The following ZNF175 variants were observed in gnomAD, a reference collection of about 807,000 sequenced individuals.
ZNF175 encodes the protein zinc finger protein OTK18.
A neutral mutation model predicts 14.0 loss-of-function variants in ZNF175; 8 were observed. That is an observed-to-expected ratio of 0.57 (90% CI 0.34 to 1.03). The LOEUF is 1.03. ZNF175 is among the 50% of genes least tolerant of loss of function. The probability of loss-of-function intolerance (pLI) is 0.03; values close to 1 mark genes in which losing one functional copy is unlikely to be tolerated. For missense variants in ZNF175, 764 were observed against 849.5 expected (o/e 0.90, Z 1.25); for synonymous variants, 255 against 296.8 (o/e 0.86, Z 1.45).
At chr19:51,580,981 G>C (rs17660487) in intron 2 of ZNF175, among the ~76,000 whole-genome samples, 30,177 of 152,046 alleles carry the variant, frequency 0.2, 3,519 homozygotes, top group Middle Eastern at 0.33. Context: ...TAACCCTGTA[G>C]TTGAGCTTTT....
At chr19:51,573,750 C>A (rs1568572151) in intron 2 of ZNF175, 2 of 384,962 alleles carry the variant, frequency 5.2e-6, no homozygotes, top group Non-Finnish European at 9.1e-6. Context: ...CAAGTGGTCC[C>A]CCCCACCAAA....
intron 2 of ZNF175, among the ~76,000 whole-genome samples, chr19:51,576,916 T>A (rs985228285): frequency 1.3e-5 from 2 of 152,106 alleles, no homozygotes; most frequent in African/African-American, 4.8e-5. Context: ...TCTGAACATG[T>A]CTGTTCAGAT....
rs755582105 is a variant in ZNF175, at chr19:51,587,946, G to A, written c.1615G>A (p.Ala539Thr). ...RHHVCSECGK[A>T]FNQKSILSMH... ...CCATGTATGCAGTGAATGCGGGAAA[G>A]CCTTCAACCAGAAGTCAATACTCAG... The change falls in exon 5 of 5, where the codon GCC (alanine) becomes ACC (threonine). Residue 539 changes from alanine (A) to threonine (T), a missense_variant. Ala to Thr is a moderately conservative substitution (Grantham distance 58). Transcript: ENST00000262259. 2.0e-5 allele frequency: 32 copies of A among 1,614,090 alleles called. 1 individual carries two copies. The Admixed American group carries it at 4.5e-4, about 23-fold the overall frequency.
rs1005552874 is a variant in ZNF175 at position 51,588,949 on chromosome 19, G to A, written c.*482G>A. On this transcript the variant is annotated 3_prime_UTR_variant, in exon 5 of 5. Transcript: ENST00000262259. ...ATATAAGCATATATATAATATATAA[G>A]CATATTATTATATACAGGTTGAGTA... 2.7e-6 allele frequency: 1 copy of A among 368,538 alleles called. No individual in the cohort carries two copies. Among genetic ancestry groups the A allele is most frequent in the African/African-American group, 2.1e-5 (1 of 48,036 alleles). 22.8% of individuals were successfully genotyped at this position (368,538 alleles called of 1,614,324 possible). A position where few individuals can be genotyped will look rare whatever the true frequency, so the allele number is the denominator to read the frequency against.
intron 2 of ZNF175, chr19:51,574,327 A>G (rs1295477902): frequency 6.6e-6 from 1 of 152,250 alleles, no homozygotes; most frequent in African/African-American, 2.4e-5. Flanking sequence ...AATTGCACAT[A>G]TAAATCATTT....
At chr19:51,578,457 A>G (rs1568573979) in intron 2 of ZNF175, among the ~76,000 whole-genome samples, 1 of 151,942 alleles carries the variant, frequency 6.6e-6, no homozygotes, top group Admixed American at 6.6e-5. Flanking sequence ...CATACAGCTG[A>G]CAAAAGGTTC....
Position 51,590,299 on chromosome 19 carries a change from T to C in ZNF175, c.*1832T>C, listed in dbSNP as rs1982311854. ...GGTTTTCTCATCTACAAAAGGGAGATGATGATAGTACCCTACCCCCATGCA... is the reference window on the plus strand; with the variant it reads ...GGTTTTCTCATCTACAAAAGGGAGACGATGATAGTACCCTACCCCCATGCA... On this transcript the variant is annotated 3_prime_UTR_variant, in exon 5 of 5. Transcript: ENST00000262259. 1 of 152,272 alleles carries C rather than the reference T, an allele frequency of 6.6e-6. No homozygotes were observed. The highest frequency in any genetic ancestry group is 2.4e-5 in the African/African-American group (1 of 41,412). The allele number at this position is 152,272 out of a possible 1,614,324, so 9.4% of individuals were successfully genotyped here.
At chr19:51,583,056 T>C (rs1401970781) in intron 4 of ZNF175, among the ~76,000 whole-genome samples, 1 of 152,060 alleles carries the variant, frequency 6.6e-6, no homozygotes, top group African/African-American at 2.4e-5. Context: ...GGTTTCTCCT[T>C]GTTGGTCAGG....
At chr19:51,581,292 T>G in intron 2 of ZNF175, 99 bp from the exon 3 acceptor site, 10 of 1,558,972 alleles carry the variant, frequency 6.4e-6, no homozygotes, top group Non-Finnish European at 8.8e-6. Flanking sequence ...CTGTGATGGA[T>G]CGTGGTGAAA....
intron 2 of ZNF175, among the ~76,000 whole-genome samples, chr19:51,579,144 T>C (rs1197406113): frequency 6.6e-6 from 1 of 151,540 alleles, no homozygotes; most frequent in African/African-American, 2.4e-5. Context: ...TCCCAGCTAC[T>C]TGGGAGGCTG....
chr19:51,588,244 T>TG lies in ZNF175; in HGVS notation c.1916dup (p.Glu640ArgfsTer5). 6.2e-7 allele frequency: 1 copy of TG among 1,614,000 alleles called. No individual in the cohort carries two copies. Among genetic ancestry groups the TG allele is most frequent in the Non-Finnish European group, 8.5e-7 (1 of 1,179,972 alleles). On this transcript the variant is annotated frameshift_variant, in exon 5 of 5. Coordinates refer to ENST00000262259, the MANE Select transcript of ZNF175 (RefSeq NM_007147.4). LOFTEE classifies it low-confidence loss of function (END_TRUNC). ...TTGATTACCCATCAAAGAACTCACATGGGAGAGAAACCCTATGAATGCCTT... is the reference window on the plus strand; with the variant it reads ...TTGATTACCCATCAAAGAACTCACATGGGGAGAGAAACCCTATGAATGCCTT...
chr19:51,582,855 G>C (rs1016069810), intron 4 of ZNF175, among the ~76,000 whole-genome samples: 1 of 151,774 alleles, frequency 6.6e-6, no homozygotes, highest in African/African-American at 2.4e-5. Flanking sequence ...TTCCATATGG[G>C]CATCTTTTCT....
Position 51,588,902 on chromosome 19 carries a change from T to C in ZNF175, c.*435T>C. 2.5e-6 allele frequency: 1 copy of C among 394,616 alleles called. No individual in the cohort carries two copies. The highest frequency in any genetic ancestry group is 4.5e-6 in the Non-Finnish European group (1 of 224,254). 24.4% of individuals were successfully genotyped at this position (394,616 alleles called of 1,614,324 possible). A position where few individuals can be genotyped will look rare whatever the true frequency, so the allele number is the denominator to read the frequency against. On this transcript the variant is annotated 3_prime_UTR_variant, in exon 5 of 5. Coordinates refer to ENST00000262259, the MANE Select transcript of ZNF175 (RefSeq NM_007147.4). The stretch of plus-strand genomic sequence containing the variant: ...ACAGTCATGATAGGACAATATTTTA[T>C]GTGTGTGTGTGCGCCTTATGTATAT...
At chr19:51,580,606 C>T (rs1981963744) in intron 2 of ZNF175, among the ~76,000 whole-genome samples, 2 of 152,280 alleles carry the variant, frequency 1.3e-5, no homozygotes, top group Non-Finnish European at 2.9e-5. Flanking sequence ...CACTTAAAAT[C>T]CTGAAATGGC....
Position 51,587,700 on chromosome 19 carries a change from A to T in ZNF175, c.1369A>T (p.Ile457Phe), listed in dbSNP as rs200261498. ...GTGTATCGAATGCGGGCAGGCCTTC[A>T]TCCAGAAGGCACACCTGATTGTCCA... Reference protein sequence around the residue: ...YVCIECGQAFIQKAHLIVHQR... With the variant: ...YVCIECGQAFFQKAHLIVHQR... The change falls in exon 5 of 5, where the codon ATC (isoleucine) becomes TTC (phenylalanine). Residue 457 changes from isoleucine to phenylalanine, a missense_variant. Transcript: ENST00000262259. 2.2e-5 allele frequency: 36 copies of T among 1,614,146 alleles called. No homozygotes were observed. The African/African-American group carries it at 4.0e-4, about 18-fold the overall frequency.
At position 51,578,838 on chromosome 19, in the gene ZNF175, C is replaced by G. The variant is rs919879404; in HGVS notation, c.73-2553C>G. Among the ~76,000 whole-genome samples the G allele has an allele frequency of 2.0e-5, 3 of 152,166 alleles. No individual in the cohort carries two copies. The South Asian group carries it at 6.2e-4, about 32-fold the overall frequency. The stretch of plus-strand genomic sequence containing the variant: ...ACTCCTTCAGAAACACAGAAATGGC[C>G]ACGTGCAGTGGCTCACACCTGTAAT... On this transcript the variant is annotated intron_variant, in intron 2 of 4. Transcript: ENST00000262259.
At position 51,587,024 on chromosome 19, in the gene ZNF175, G is replaced by C; in HGVS notation, c.693G>C (p.Gln231His). The change falls in exon 5 of 5, where the codon CAG becomes CAC. Residue 231 changes from glutamine to histidine, a missense_variant. Transcript: ENST00000262259. ...EQLDDVVGSG[Q>H]LFSHSSSDAC... Reference sequence around the variant, plus strand: ...TTGATGACGTTGTTGGGTCTGGTCAGCTATTCAGCCATAGCTCTTCTGATG... The same window carrying C: ...TTGATGACGTTGTTGGGTCTGGTCACCTATTCAGCCATAGCTCTTCTGATG... The C allele has an allele frequency of 1.9e-6, 3 of 1,614,200 alleles. No homozygotes were observed. The South Asian group carries it at 3.3e-5, about 18-fold the overall frequency.
chr19:51,578,270 G>C (rs77628825), intron 2 of ZNF175, among the ~76,000 whole-genome samples: 1 of 151,614 alleles, frequency 6.6e-6, no homozygotes, highest in Admixed American at 6.6e-5. Context: ...CATGGTGGCG[G>C]GTGCCTGTAA....
chr19:51,578,079 C>A (rs1181161009), intron 2 of ZNF175, among the ~76,000 whole-genome samples: 2 of 152,044 alleles, frequency 1.3e-5, no homozygotes, highest in African/African-American at 4.8e-5. Context: ...TAACTACTTT[C>A]GTCACTTTTA....
Sources: allele counts gnomAD v4.1 joint callset (sites outside exome capture counted in the v4.1 genomes callset), GRCh38; gene constraint gnomAD v4.1.1; transcripts MANE v1.5; gene names NCBI Gene and HGNC (gene_info 2026-07-23, HGNC 2026-07-21).